Variants in RAB7A observed in about 807,000 individuals in gnomAD.
RAB7A encodes the protein ras-related protein Rab-7a.
A neutral mutation model predicts 24.5 loss-of-function variants in RAB7A; 2 were observed. The observed-to-expected ratio is 0.08, with a 90% confidence interval of 0.03 to 0.26. RAB7A has a LOEUF of 0.26. Ranked by LOEUF, RAB7A falls within the 10% of genes least tolerant of loss-of-function variation. The pLI, the probability that RAB7A is intolerant of heterozygous loss-of-function variation, is 1.00. For missense variants in RAB7A, 118 were observed against 255.7 expected (o/e 0.46, Z 3.67); for synonymous variants, 100 against 95.9 (o/e 1.04, Z -0.25).
At chr3:128,803,296 A>G (rs1468686432) in intron 3 of RAB7A, among the ~76,000 whole-genome samples, 2 of 152,218 alleles carry the variant, frequency 1.3e-5, no homozygotes, top group African/African-American at 4.8e-5. Flanking sequence ...AGATTGATTA[A>G]TAGATTACAT....
At chr3:128,743,849 G>C (rs1357605742) in intron 1 of RAB7A, among the ~76,000 whole-genome samples, 1 of 150,720 alleles carries the variant, frequency 6.6e-6, no homozygotes, top group African/African-American at 2.5e-5. Context: ...GAGTGTAGTG[G>C]CATGATTTCG....
chr3:128,806,027 A>G (rs1447323762), intron 3 of RAB7A, among the ~76,000 whole-genome samples: 1 of 152,090 alleles, frequency 6.6e-6, no homozygotes, highest in Non-Finnish European at 1.5e-5. Context: ...CTATATTTCC[A>G]TTGCTCTCAG....
At chr3:128,740,296 G>T (rs896776315) in intron 1 of RAB7A, among the ~76,000 whole-genome samples, 1 of 152,028 alleles carries the variant, frequency 6.6e-6, no homozygotes, top group African/African-American at 2.4e-5. Context: ...CAGGAGAATC[G>T]CTTGAACCTG....
intron 1 of RAB7A, among the ~76,000 whole-genome samples, chr3:128,728,865 G>A (rs2070406489): frequency 6.6e-6 from 1 of 152,148 alleles, no homozygotes; most frequent in African/African-American, 2.4e-5. Flanking sequence ...TTGGCATGCT[G>A]GATTTTTTTC....
intron 1 of RAB7A, among the ~76,000 whole-genome samples, chr3:128,771,712 G>A (rs922575495): frequency 6.6e-6 from 1 of 152,160 alleles, no homozygotes; most frequent in Non-Finnish European, 1.5e-5. Flanking sequence ...TGCGGTTTTT[G>A]CAATTACTTT....
At chr3:128,759,125 C>G (rs1286860644) in intron 1 of RAB7A, among the ~76,000 whole-genome samples, 1 of 152,162 alleles carries the variant, frequency 6.6e-6, no homozygotes, top group Non-Finnish European at 1.5e-5. Context: ...GCTGATAGGT[C>G]TCTGGCCATG....
At chr3:128,795,099 C>T in intron 1 of RAB7A, 1 of 525,298 alleles carries the variant, frequency 1.9e-6, no homozygotes, top group East Asian at 3.3e-5. Context: ...AATTGATCCA[C>T]CACCCAAGTG....
rs190582724 is a variant in RAB7A, at chr3:128,787,654, A to G, written c.-8-7706A>G. Among the ~76,000 whole-genome samples the G allele has an allele frequency of 9.2e-4, 140 of 152,344 alleles. 3 individuals carry two copies. Among genetic ancestry groups the G allele is most frequent in the Admixed American group, 7.2e-3 (110 of 15,304 alleles). On this transcript the variant is annotated intron_variant, in intron 1 of 5. Transcript: ENST00000265062. ...TAGTAATCCTCTTTATCTGCAGTCA[A>G]TCGTGGTCTGAAAATATTAAACGGG... is the stretch of plus-strand genomic sequence containing the variant.
chr3:128,768,969 CTTTTTTTTTTTT>C (rs35457218), intron 1 of RAB7A, among the ~76,000 whole-genome samples: 4 of 72,614 alleles, frequency 5.5e-5, no homozygotes, highest in South Asian at 6.6e-4. Flanking sequence ...TCTTTCTTTC[CTTTTTTTTTTTT>C]TTTTTTTTTT....
chr3:128,728,485 G>A (rs115688518), intron 1 of RAB7A, among the ~76,000 whole-genome samples: 2,857 of 152,024 alleles, frequency 0.019, 46 homozygotes, highest in Non-Finnish European at 0.024. Flanking sequence ...ATTTTGAGAC[G>A]GAGTTTCCCT....
chr3:128,783,690 C>G (rs1246434316), intron 1 of RAB7A, among the ~76,000 whole-genome samples: 1 of 152,182 alleles, frequency 6.6e-6, no homozygotes, highest in Non-Finnish European at 1.5e-5. Context: ...ACTGCGCCAC[C>G]CCCCTGATGC....
At chr3:128,769,242 T>A (rs2070862337) in intron 1 of RAB7A, among the ~76,000 whole-genome samples, 1 of 152,090 alleles carries the variant, frequency 6.6e-6, no homozygotes, top group African/African-American at 2.4e-5. Context: ...TTAAAATGGT[T>A]TTTCCCTTTC....
At chr3:128,764,372 A>G (rs772315918) in intron 1 of RAB7A, 3 of 648,128 alleles carry the variant, frequency 4.6e-6, no homozygotes, top group Non-Finnish European at 8.4e-6. Flanking sequence ...TTTTGGCACA[A>G]CTTATAGAAA....
chr3:128,812,348 C>G (rs765013493), intron 5 of RAB7A, among the ~76,000 whole-genome samples: 2 of 152,186 alleles, frequency 1.3e-5, no homozygotes, highest in Admixed American at 1.3e-4. Context: ...CTCCTGACTT[C>G]AGGTGGTCGA....
At chr3:128,745,324 T>C (rs893302453) in intron 1 of RAB7A, among the ~76,000 whole-genome samples, 1 of 152,172 alleles carries the variant, frequency 6.6e-6, no homozygotes, top group African/African-American at 2.4e-5. Context: ...GTTTCAGTTG[T>C]ACTGTAAAAT....
At chr3:128,801,588 TGG>T (rs1400115085) in intron 3 of RAB7A, among the ~76,000 whole-genome samples, 1 of 152,144 alleles carries the variant, frequency 6.6e-6, no homozygotes, top group African/African-American at 2.4e-5. Flanking sequence ...CAATGAAATT[TGG>T]AAATTCAGAG....
chr3:128,773,014 C>T (rs981101015), intron 1 of RAB7A, among the ~76,000 whole-genome samples: 1 of 152,114 alleles, frequency 6.6e-6, no homozygotes, highest in Non-Finnish European at 1.5e-5. Flanking sequence ...GCCACCACCC[C>T]GTCTGGGAAG....
intron 1 of RAB7A, among the ~76,000 whole-genome samples, chr3:128,761,460 C>T (rs923317685): frequency 6.6e-6 from 1 of 152,160 alleles, no homozygotes; most frequent in Non-Finnish European, 1.5e-5. Flanking sequence ...CCAGGGTCTC[C>T]TTAAACCAAG....
At chr3:128,781,009 ACT>A (rs1933205553) in intron 1 of RAB7A, among the ~76,000 whole-genome samples, 1 of 152,112 alleles carries the variant, frequency 6.6e-6, no homozygotes, top group Non-Finnish European at 1.5e-5. Context: ...GCTAAATGTG[ACT>A]CTCTACTGCC....
Sources: allele counts gnomAD v4.1 joint callset (sites outside exome capture counted in the v4.1 genomes callset), GRCh38; gene constraint gnomAD v4.1.1; transcripts MANE v1.5; gene names NCBI Gene and HGNC (gene_info 2026-07-23, HGNC 2026-07-21).